Variants in TAS2R1 observed in about 807,000 individuals in gnomAD.
The protein encoded by TAS2R1 is taste receptor type 2 member 1.
For synonymous variants in TAS2R1, 141 were observed against 134.2 expected (o/e 1.05, Z -0.35); for missense variants, 370 against 353.4 (o/e 1.05, Z -0.38).
intron 2 of TAS2R1, among the ~76,000 whole-genome samples, chr5:9,657,511 G>T (rs956632811): frequency 6.6e-6 from 1 of 152,180 alleles, no homozygotes; most frequent in Admixed American, 6.5e-5. Context: ...GTAGAGGATT[G>T]AAAGTGATCT....
chr5:9,710,208 A>G (rs1210168589), intron 1 of TAS2R1, among the ~76,000 whole-genome samples: 1 of 152,088 alleles, frequency 6.6e-6, no homozygotes, highest in African/African-American at 2.4e-5. Context: ...TGTCTTCTTT[A>G]TGAGAGCATG....
At chr5:9,643,344 G>A (rs925105861) in intron 2 of TAS2R1, among the ~76,000 whole-genome samples, 3 of 152,166 alleles carry the variant, frequency 2.0e-5, no homozygotes, top group Admixed American at 6.5e-5. Context: ...GCTGTAGGCA[G>A]TTATAACACA....
At chr5:9,672,007 C>A (rs1395850941) in intron 1 of TAS2R1, among the ~76,000 whole-genome samples, 1 of 152,118 alleles carries the variant, frequency 6.6e-6, no homozygotes, top group Middle Eastern at 3.2e-3. Context: ...ACCAAGTGAT[C>A]TTTGATGAAG....
At chr5:9,754,453 G>C in the TAS2R1 span, among the ~76,000 whole-genome samples, 1 of 152,192 alleles carries the variant, frequency 6.6e-6, no homozygotes, top group Non-Finnish European at 1.5e-5. Context: ...AAAAGAGGAA[G>C]TCAAATTGTC....
the TAS2R1 span, among the ~76,000 whole-genome samples, chr5:9,868,060 T>G: frequency 5.3e-5 from 8 of 152,228 alleles, no homozygotes. Flanking sequence ...TAATAGGGTA[T>G]AGACCCCCTA....
the TAS2R1 span, among the ~76,000 whole-genome samples, chr5:9,844,048 GAATCCTAC>G: frequency 6.6e-6 from 1 of 152,114 alleles, no homozygotes; most frequent in African/African-American, 2.4e-5. Flanking sequence ...TATTAAGACA[GAATCCTAC>G]ATAATGTAGT....
chr5:9,881,104 C>T, the TAS2R1 span, among the ~76,000 whole-genome samples: 1 of 152,060 alleles, frequency 6.6e-6, no homozygotes, highest in Admixed American at 6.5e-5. Context: ...CAGCATAATC[C>T]TTCCACCAAG....
the TAS2R1 span, among the ~76,000 whole-genome samples, chr5:9,732,823 T>A: frequency 2.6e-5 from 4 of 152,270 alleles, no homozygotes; most frequent in South Asian, 8.3e-4. Context: ...GCTCACATGA[T>A]CATAGAGGGT....
rs369822137 is a variant in TAS2R1, at chr5:9,700,917, C to T, written c.-242+11255G>A. Among the ~76,000 whole-genome samples the T allele has an allele frequency of 2.8e-4, 43 of 152,280 alleles. No homozygotes were observed. The South Asian group carries it at 4.6e-3, about 16-fold the overall frequency. ...TCTTTAAAGACCCTGTTTCCAAATACAGTCACATTCTGAGGTTATGGGAGT... is the reference window on the plus strand; with the variant it reads ...TCTTTAAAGACCCTGTTTCCAAATATAGTCACATTCTGAGGTTATGGGAGT... On this transcript the variant is annotated intron_variant, in intron 1 of 2. Coordinates refer to the TAS2R1 transcript ENST00000506620.
intron 1 of TAS2R1, among the ~76,000 whole-genome samples, chr5:9,706,430 C>G (rs1220532045): frequency 1.3e-5 from 2 of 152,174 alleles, no homozygotes; most frequent in Non-Finnish European, 2.9e-5. Context: ...CGAGCAATTC[C>G]CAGACTCTCA....
the TAS2R1 span, among the ~76,000 whole-genome samples, chr5:9,861,037 G>GTTTTT: frequency 9.0e-5 from 8 of 88,612 alleles, no homozygotes; most frequent in African/African-American, 1.7e-4. Flanking sequence ...GGAAGATGAG[G>GTTTTT]TTTTTTTTTT....
At chr5:9,758,014 T>C in the TAS2R1 span, among the ~76,000 whole-genome samples, 1 of 152,138 alleles carries the variant, frequency 6.6e-6, no homozygotes, top group African/African-American at 2.4e-5. Flanking sequence ...ATTTGCCAAA[T>C]ATATATATTA....
chr5:9,737,725 A>G, the TAS2R1 span, among the ~76,000 whole-genome samples: 1 of 152,204 alleles, frequency 6.6e-6, no homozygotes, highest in Non-Finnish European at 1.5e-5. Flanking sequence ...CATGCACATC[A>G]ATTTAACCAG....
chr5:9,651,682 C>CTCCA (rs1561369587), intron 2 of TAS2R1, among the ~76,000 whole-genome samples: 1 of 152,030 alleles, frequency 6.6e-6, no homozygotes, highest in Non-Finnish European at 1.5e-5. Flanking sequence ...GTGAGTGCAG[C>CTCCA]TCCAGCTTTG....
chr5:9,891,571 T>A, the TAS2R1 span, among the ~76,000 whole-genome samples: 1 of 152,048 alleles, frequency 6.6e-6, no homozygotes, highest in African/African-American at 2.4e-5. Flanking sequence ...TGGCCCTCCC[T>A]CTGCTAAGCC....
the TAS2R1 span, among the ~76,000 whole-genome samples, chr5:9,769,699 C>A: frequency 8.5e-5 from 13 of 152,220 alleles, no homozygotes; most frequent in East Asian, 2.5e-3. Flanking sequence ...CTGTTTATCA[C>A]TTGTATGTCT....
intron 1 of TAS2R1, among the ~76,000 whole-genome samples, chr5:9,662,079 A>G (rs1740549046): frequency 6.6e-6 from 1 of 152,182 alleles, no homozygotes; most frequent in Admixed American, 6.5e-5. Context: ...GAAGTTGTGA[A>G]GCCTCAGAAG....
chr5:9,746,181 GTCAT>G, the TAS2R1 span, among the ~76,000 whole-genome samples: 18 of 152,160 alleles, frequency 1.2e-4, no homozygotes, highest in Non-Finnish European at 2.2e-4. Flanking sequence ...ATCATCACTG[GTCAT>G]TCAAGAGATG....
At chr5:9,840,004 T>C in the TAS2R1 span, among the ~76,000 whole-genome samples, 34 of 152,192 alleles carry the variant, frequency 2.2e-4, no homozygotes, top group Admixed American at 2.2e-3. Context: ...TCCAACTCTT[T>C]AGGAAAATGA....
Sources: allele counts gnomAD v4.1 joint callset (sites outside exome capture counted in the v4.1 genomes callset), GRCh38; gene constraint gnomAD v4.1.1; transcripts MANE v1.5; gene names NCBI Gene and HGNC (gene_info 2026-07-23, HGNC 2026-07-21).